The following NPIPB2 variants were observed in gnomAD, a reference collection of about 807,000 sequenced individuals.
NPIPB2 encodes nuclear pore complex-interacting protein family member B2.
Under a neutral mutation model 30.8 loss-of-function variants are expected in NPIPB2, and 27 were observed. The observed-to-expected ratio is 0.88, with a 90% confidence interval of 0.65 to 1.21. The LOEUF (loss-of-function observed/expected upper bound fraction) is 1.21, where lower values mean the gene tolerates loss of function less well. Among genes scored for constraint, NPIPB2 ranks in the 50% most tolerant of loss-of-function variants. The pLI, the probability that NPIPB2 is intolerant of heterozygous loss-of-function variation, is 0.00. For missense variants in NPIPB2, 440 were observed against 446.2 expected (o/e 0.99, Z 0.13); for synonymous variants, 147 against 162.0 (o/e 0.91, Z 0.70).
exon 4 of NPIPB2, chr16:11,933,526 G>A: frequency 1.3e-6 from 2 of 1,596,832 alleles, no homozygotes; most frequent in Non-Finnish European, 1.7e-6. Flanking sequence ...CTGTTTTTTG[G>A]CGGTCTTCCT....
chr16:11,937,704 A>G, intron 1 of NPIPB2, 36 bp from the exon 2 acceptor site: 5 of 1,595,282 alleles, frequency 3.1e-6, no homozygotes, highest in Non-Finnish European at 4.2e-6. Context: ...GAAAAGGTCA[A>G]TGACACTGAC....
chr16:11,937,931 C>T (rs2054889671), intron 1 of NPIPB2, among the ~76,000 whole-genome samples: 1 of 152,056 alleles, frequency 6.6e-6, no homozygotes, highest in Non-Finnish European at 1.5e-5. Flanking sequence ...CTTTTGACTT[C>T]CCTGCCTATA....
intron 1 of NPIPB2, chr16:11,964,977 C>T (rs972376955): frequency 2.7e-4 from 92 of 345,730 alleles, no homozygotes; most frequent in African/African-American, 9.7e-4. Context: ...ACTGAACATT[C>T]GGCTTGATGC....
intron 1 of NPIPB2, chr16:11,967,081 G>A (rs535670084): frequency 8.0e-5 from 18 of 223,850 alleles, no homozygotes; most frequent in Non-Finnish European, 1.4e-4. Flanking sequence ...ACTCACTGCA[G>A]CCTCTGCCTC....
intron 2 of NPIPB2, among the ~76,000 whole-genome samples, chr16:11,934,842 A>G: frequency 1.6e-5 from 2 of 121,924 alleles, no homozygotes; most frequent in Non-Finnish European, 3.6e-5. Context: ...CTGGTGACAG[A>G]GTGAGACTCT....
chr16:11,958,816 T>A (rs572489265), intron 1 of NPIPB2, among the ~76,000 whole-genome samples: 1 of 152,226 alleles, frequency 6.6e-6, no homozygotes, highest in East Asian at 1.9e-4. Flanking sequence ...CAGGGTTGGT[T>A]TGGGGAGCTG....
chr16:11,943,076 C>G (rs7200562), upstream of NPIPB2, among the ~76,000 whole-genome samples: 190 of 151,588 alleles, frequency 1.3e-3, no homozygotes, highest in African/African-American at 4.3e-3. Context: ...AATCCCAGCA[C>G]TTTGGGAGGC....
chr16:11,944,774 CA>C (rs1246994622), upstream of NPIPB2, among the ~76,000 whole-genome samples: 5 of 84,176 alleles, frequency 5.9e-5, no homozygotes, highest in African/African-American at 2.2e-4. Flanking sequence ...GAACAGAAAA[CA>C]AAACAAAACA....
chr16:11,976,482 A>C (rs2055299237), intron 1 of NPIPB2: 1 of 325,012 alleles, frequency 3.1e-6, no homozygotes, highest in Non-Finnish European at 5.6e-6. Context: ...AAGTCGCCCC[A>C]TCACTCGTGG....
At chr16:11,951,509 T>A (rs12933691) in intron 1 of NPIPB2, among the ~76,000 whole-genome samples, 21,992 of 129,942 alleles carry the variant, frequency 0.17, 4,031 homozygotes, top group African/African-American at 0.44. Flanking sequence ...TTACTCAGAA[T>A]TCAAAACAAA....
intron 1 of NPIPB2, among the ~76,000 whole-genome samples, chr16:11,948,157 G>T (rs2055030228): frequency 6.6e-6 from 1 of 151,570 alleles, no homozygotes; most frequent in African/African-American, 2.4e-5. Context: ...AGCTGTCCTG[G>T]GACTGAGTGG....
chr16:11,941,780 C>A, intron 1 of NPIPB2: 1 of 1,138,216 alleles, frequency 8.8e-7, no homozygotes, highest in Non-Finnish European at 1.3e-6. Flanking sequence ...GACCCCTCCC[C>A]CATCTCAGTC....
rs746941404 is a variant in NPIPB2 at position 11,930,508 on chromosome 16, G to T, written c.532C>A (p.Gln178Lys). 1.1e-5 allele frequency: 17 copies of T among 1,587,770 alleles called. 1 individual carries two copies. The African/African-American group carries it at 2.0e-4, about 19-fold the overall frequency. Reference sequence around the variant, plus strand: ...CCATTTTCCTCTGCCTCTGACACCTGCCTCTCCTTTTCTGCATGCTCACAT... The same window carrying T: ...CCATTTTCCTCTGCCTCTGACACCTTCCTCTCCTTTTCTGCATGCTCACAT... The change falls in exon 5 of 8, where the codon CAG becomes AAG. Residue 178 changes from glutamine (Q) to lysine (K), a missense_variant. By Grantham distance (53) the Gln-to-Lys change is moderately conservative. Coordinates refer to ENST00000399147, the Ensembl canonical transcript of NPIPB2.
At chr16:11,958,486 T>G (rs1206750160) in intron 1 of NPIPB2, among the ~76,000 whole-genome samples, 3 of 151,848 alleles carry the variant, frequency 2.0e-5, no homozygotes, top group African/African-American at 7.3e-5. Context: ...TCCTAGCACT[T>G]TGGGAGGCCA....
intron 1 of NPIPB2, among the ~76,000 whole-genome samples, chr16:11,958,105 C>T (rs371251019): frequency 1.3e-5 from 2 of 152,086 alleles, no homozygotes; most frequent in Admixed American, 1.3e-4. Context: ...TCAGGACTGA[C>T]TACTTAACTT....
At chr16:11,934,796 T>C (rs1183997787) in intron 2 of NPIPB2, among the ~76,000 whole-genome samples, 2 of 141,500 alleles carry the variant, frequency 1.4e-5, no homozygotes, top group African/African-American at 5.2e-5. Context: ...GAGGCAGAGG[T>C]TGCAGTGAGC....
chr16:11,974,484 T>C (rs2055255573), intron 1 of NPIPB2, among the ~76,000 whole-genome samples: 1 of 151,892 alleles, frequency 6.6e-6, no homozygotes, highest in Non-Finnish European at 1.5e-5. Context: ...GCCATTGCAC[T>C]CCTGCCTGGG....
Position 11,931,863 on chromosome 16 carries a change from C to A in NPIPB2, c.489-1312G>T, listed in dbSNP as rs145471505. ...AGGTGAAGATGGAGAAGAAGGAAACCCAGGACGAAAGTCAGCTTCGCATTT... is the reference window on the plus strand; with the variant it reads ...AGGTGAAGATGGAGAAGAAGGAAACACAGGACGAAAGTCAGCTTCGCATTT... On this transcript the variant is annotated intron_variant, in intron 4 of 7. Transcript: ENST00000399147. Among the ~76,000 whole-genome samples the A allele has an allele frequency of 1.1e-3, 166 of 152,136 alleles. 6 individuals carry two copies. The East Asian group carries it at 0.026, about 24-fold the overall frequency.
chr16:11,941,261 G>A, intron 1 of NPIPB2: 1 of 1,510,776 alleles, frequency 6.6e-7, no homozygotes, highest in Non-Finnish European at 8.9e-7. Context: ...TCCTTTCAGG[G>A]CGCCCTGAGG....
Sources: gnomAD v4.1 joint callset for allele counts (sites outside exome capture counted in the v4.1 genomes callset) on GRCh38, gnomAD v4.1.1 for gene constraint, MANE v1.5 for transcripts, NCBI Gene and HGNC (gene_info 2026-07-23, HGNC 2026-07-21) for gene names.